GLB1L3: variants seen among roughly 807,000 people sequenced by gnomAD.
GLB1L3 encodes galactosidase beta 1 like 3.
In GLB1L3, 89 loss-of-function variants were observed where a neutral mutation model predicts 89.5. The observed-to-expected ratio is 0.99, with a 90% CI of 0.84 to 1.19. The LOEUF is 1.19. Among genes scored for constraint, GLB1L3 ranks in the 50% most tolerant of loss-of-function variants. GLB1L3 has a pLI of 0.00. For missense variants in GLB1L3, 812 were observed against 813.3 expected, an observed-to-expected ratio of 1.00 and a Z score of 0.02; for synonymous variants, 314 against 312.3, an observed-to-expected ratio of 1.01 and a Z score of -0.06.
chr11:134,279,927 T>C (rs1940597699), intron 3 of GLB1L3, among the ~76,000 whole-genome samples: 1 of 152,090 alleles, frequency 6.6e-6, no homozygotes, highest in African/African-American at 2.4e-5. Flanking sequence ...CTCTTCTCTG[T>C]CCTTCTCAGT....
intron 7 of GLB1L3, among the ~76,000 whole-genome samples, chr11:134,290,048 C>T (rs567742911): frequency 6.6e-6 from 1 of 152,310 alleles, no homozygotes; most frequent in South Asian, 2.1e-4. Flanking sequence ...CGGGGCTGGA[C>T]TTCATCCACG....
At chr11:134,292,866 C>T (rs746515997) in intron 8 of GLB1L3, 19 of 522,608 alleles carry the variant, frequency 3.6e-5, no homozygotes, top group Non-Finnish European at 5.1e-5. Context: ...GCCTGTGTCC[C>T]GTTTCCAGTC....
intron 7 of GLB1L3, among the ~76,000 whole-genome samples, chr11:134,289,159 A>G (rs1433993939): frequency 6.6e-6 from 1 of 152,180 alleles, no homozygotes; most frequent in African/African-American, 2.4e-5. Context: ...GGTTTTGTAT[A>G]TCTATTATAT....
At chr11:134,318,113 T>G (rs773553540) in intron 18 of GLB1L3, among the ~76,000 whole-genome samples, 16 of 152,182 alleles carry the variant, frequency 1.1e-4, no homozygotes, top group Non-Finnish European at 2.2e-4. Flanking sequence ...CTTTGCCCTT[T>G]AATTTGAAGC....
chr11:134,317,461 G>T (rs980276661), intron 18 of GLB1L3, among the ~76,000 whole-genome samples: 1 of 152,058 alleles, frequency 6.6e-6, no homozygotes, highest in African/African-American at 2.4e-5. Context: ...TAGATTTATG[G>T]TTTATTTAGA....
At chr11:134,314,905 A>G (rs1942914604) in intron 18 of GLB1L3, among the ~76,000 whole-genome samples, 1 of 152,222 alleles carries the variant, frequency 6.6e-6, no homozygotes. Context: ...TTCTGTATAA[A>G]TACACATAGA....
chr11:134,278,285 A>AT (rs1252842434), intron 3 of GLB1L3, among the ~76,000 whole-genome samples: 64 of 134,368 alleles, frequency 4.8e-4, no homozygotes, highest in South Asian at 9.9e-4. Flanking sequence ...ACAAAAAAAA[A>AT]TTTTTTTTTT....
chr11:134,309,835 C>T lies in GLB1L3; in HGVS notation c.1099+72C>T, dbSNP rs375294834. On this transcript the variant is annotated intron_variant, in intron 11 of 19. Coordinates refer to ENST00000431683, the MANE Select transcript of GLB1L3 (RefSeq NM_001080407.3). ...GGCTTTACAGAGGAGGCTCCGGAAGCCTGTTCTGGCACCACTGGGTTCTTG... is the reference window on the plus strand; with the variant it reads ...GGCTTTACAGAGGAGGCTCCGGAAGTCTGTTCTGGCACCACTGGGTTCTTG... 6.1e-5 allele frequency: 94 copies of T among 1,535,996 alleles called. 1 individual carries two copies. In the East Asian group the frequency reaches 2.0e-3, roughly 33 times the overall value.
intron 3 of GLB1L3, among the ~76,000 whole-genome samples, chr11:134,278,207 T>C (rs745824969): frequency 1.3e-5 from 2 of 152,158 alleles, no homozygotes; most frequent in African/African-American, 2.4e-5. Flanking sequence ...AGCACTCAGT[T>C]TAATGACATA....
intron 18 of GLB1L3, 51 bp downstream of exon 18, chr11:134,314,492 TAA>T: frequency 8.4e-7 from 1 of 1,184,304 alleles, no homozygotes; most frequent in Non-Finnish European, 1.2e-6. Flanking sequence ...ATTTTATTTT[TAA>T]AGAGTCCTGA....
At chr11:134,300,440 C>T (rs536096501) in intron 9 of GLB1L3, among the ~76,000 whole-genome samples, 9 of 151,778 alleles carry the variant, frequency 5.9e-5, no homozygotes, top group African/African-American at 1.9e-4. Flanking sequence ...TCACACCATT[C>T]TCCTGCCTCA....
chr11:134,277,623 GT>G, intron 2 of GLB1L3, 76 bp from the exon 3 acceptor site: 1 of 1,532,536 alleles, frequency 6.5e-7, no homozygotes, highest in Non-Finnish European at 8.9e-7. Flanking sequence ...TTTCGCTAGG[GT>G]TTCAGCCGTG....
chr11:134,288,973 C>T (rs1276336917), intron 7 of GLB1L3, 83 bp downstream of exon 7: 9 of 926,466 alleles, frequency 9.7e-6, no homozygotes, highest in Non-Finnish European at 3.3e-6. Context: ...CATGAGTGAT[C>T]GGGCTGGACA....
chr11:134,298,901 G>A (rs1248119811), intron 9 of GLB1L3, among the ~76,000 whole-genome samples: 1 of 152,158 alleles, frequency 6.6e-6, no homozygotes, highest in Non-Finnish European at 1.5e-5. Flanking sequence ...TCACTTATTA[G>A]ATATTTTCTC....
chr11:134,313,177 G>C (rs958807544), intron 15 of GLB1L3, among the ~76,000 whole-genome samples: 4 of 152,230 alleles, frequency 2.6e-5, no homozygotes, highest in Non-Finnish European at 5.9e-5. Context: ...TAAAGGTACA[G>C]CTGAGTCTCT....
rs532378442 is a variant in GLB1L3 at position 134,311,257 on chromosome 11, G to A, written c.1287+87G>A. ...TCAGGAAACTTTTTATTAGGAAGTG[G>A]GAAAACAAATCCTCTGCATTTCATT... On this transcript the variant is annotated intron_variant, in intron 13 of 19. Transcript: ENST00000431683. 5.0e-4 allele frequency: 466 copies of A among 938,166 alleles called. 2 individuals carry two copies. The South Asian group carries it at 5.8e-3, about 12-fold the overall frequency. 58.1% of individuals were successfully genotyped at this position (938,166 alleles called of 1,614,324 possible).
At chr11:134,306,769 T>G (rs546202334) in intron 9 of GLB1L3, among the ~76,000 whole-genome samples, 1 of 152,380 alleles carries the variant, frequency 6.6e-6, no homozygotes, top group Admixed American at 6.5e-5. Context: ...TGAAAGCCTG[T>G]GGCATCTGAG....
In GLB1L3 at chr11:134,293,173, TCAC is replaced by T. The variant is rs1164589115; in HGVS notation, c.843_845del (p.His281del). On this transcript the variant is annotated inframe_deletion, in exon 9 of 20. Coordinates refer to ENST00000431683, the MANE Select transcript of GLB1L3 (RefSeq NM_001080407.3). ...TGGCCGCCATCAATTTGCAAAAACT[TCAC>T]CAGGATACTTTCAATCAGCTTCATA... 6.2e-7 allele frequency: 1 copy of T among 1,613,742 alleles called. No individual in the cohort carries two copies. Among genetic ancestry groups the T allele is most frequent in the African/African-American group, 1.3e-5 (1 of 74,890 alleles).
In GLB1L3 at chr11:134,309,748, A is replaced by G. The variant is rs777327917; in HGVS notation, c.1084A>G (p.Ile362Val). 1.9e-6 allele frequency: 3 copies of G among 1,613,340 alleles called. No individual in the cohort carries two copies. The highest frequency in any genetic ancestry group is 2.2e-5 in the East Asian group (1 of 44,876). Residue 362 changes from isoleucine to valine, a missense_variant, in exon 11 of 20, where the codon ATT becomes GTT. By Grantham distance (29) the Ile-to-Val change is conservative (BLOSUM62 3). Coordinates refer to ENST00000431683, the MANE Select transcript of GLB1L3 (RefSeq NM_001080407.3). ...GATYFGKHSG[I>V]VTSYDYDAVL... ...CACATATTTCGGGAAGCACTCGGGC[A>G]TTGTCACCAGCTATGGCAAGTGTCG...
Sources: allele counts gnomAD v4.1 joint callset (sites outside exome capture counted in the v4.1 genomes callset), GRCh38; gene constraint gnomAD v4.1.1; transcripts MANE v1.5; gene names NCBI Gene and HGNC (gene_info 2026-07-23, HGNC 2026-07-21).